Variants in NKAIN2 observed in about 807,000 individuals in gnomAD.
NKAIN2 encodes sodium/potassium transporting ATPase interacting 2.
In NKAIN2, 14 loss-of-function variants were observed where a neutral mutation model predicts 32.6. The ratio of observed to expected loss-of-function variants is 0.43; its 90% CI spans 0.28 to 0.67. The LOEUF is 0.67. NKAIN2 is among the 30% of genes least tolerant of loss of function. NKAIN2 has a pLI of 0.17. For synonymous variants in NKAIN2, 80 were observed against 87.2 expected, an observed-to-expected ratio of 0.92 and a Z score of 0.46; for missense variants, 198 against 258.3, an observed-to-expected ratio of 0.77 and a Z score of 1.60.
chr6:124,456,678 AT>A (rs1016011509), intron 3 of NKAIN2, among the ~76,000 whole-genome samples: 3 of 151,852 alleles, frequency 2.0e-5, no homozygotes, highest in Admixed American at 1.3e-4. Flanking sequence ...TTTATACTTT[AT>A]TAATATGAGA....
chr6:124,734,296 G>A (rs1228339760), intron 4 of NKAIN2, among the ~76,000 whole-genome samples: 1 of 151,598 alleles, frequency 6.6e-6, no homozygotes, highest in African/African-American at 2.4e-5. Flanking sequence ...ATCTCTGCTG[G>A]GCTTTTAATT....
intron 1 of NKAIN2, among the ~76,000 whole-genome samples, chr6:123,933,932 A>G (rs1776385307): frequency 6.6e-6 from 1 of 152,226 alleles, no homozygotes; most frequent in Non-Finnish European, 1.5e-5. Flanking sequence ...CATGACAGCT[A>G]CAGGAGAGTA....
chr6:124,079,376 A>G (rs898809153), intron 1 of NKAIN2, among the ~76,000 whole-genome samples: 3 of 152,166 alleles, frequency 2.0e-5, no homozygotes, highest in African/African-American at 7.2e-5. Context: ...TAGACAAACT[A>G]TAGCAGAATT....
At chr6:124,494,199 G>A (rs898063354) in intron 3 of NKAIN2, among the ~76,000 whole-genome samples, 1 of 152,016 alleles carries the variant, frequency 6.6e-6, no homozygotes, top group Non-Finnish European at 1.5e-5. Context: ...CTTGAGAAAG[G>A]GATGTTGTTT....
chr6:124,066,366 G>A (rs1272920266), intron 1 of NKAIN2, among the ~76,000 whole-genome samples: 1 of 152,028 alleles, frequency 6.6e-6, no homozygotes, highest in Non-Finnish European at 1.5e-5. Context: ...CATTTGTTGT[G>A]TCTCTTCTCC....
intron 3 of NKAIN2, among the ~76,000 whole-genome samples, chr6:124,436,947 T>C (rs945807985): frequency 3.9e-5 from 6 of 152,134 alleles, no homozygotes; most frequent in African/African-American, 1.4e-4. Flanking sequence ...CTCTCTTCGC[T>C]CTGCTTTTAG....
At chr6:123,888,583 A>G (rs554294178) in intron 1 of NKAIN2, among the ~76,000 whole-genome samples, 1 of 152,250 alleles carries the variant, frequency 6.6e-6, no homozygotes, top group African/African-American at 2.4e-5. Context: ...GAATATTGTC[A>G]TTCTACAAAC....
chr6:124,117,091 G>C (rs191896629), intron 1 of NKAIN2, among the ~76,000 whole-genome samples: 7 of 151,974 alleles, frequency 4.6e-5, no homozygotes, highest in Admixed American at 4.6e-4. Flanking sequence ...TTCCCACCAA[G>C]AAAGGCATGA....
rs532227378 is a variant in NKAIN2, at chr6:124,815,260, A to G, written c.536-3127A>G. ...TATATATGTATATATGTATATATAT[A>G]TGTGTATATATATGTATATATGTAT... is the stretch of plus-strand genomic sequence containing the variant. On this transcript the variant is annotated intron_variant, in intron 5 of 6. Transcript: ENST00000368417. Among the ~76,000 whole-genome samples the G allele has an allele frequency of 1.0e-3, 147 of 145,758 alleles. 1 individual carries two copies. The highest frequency in any genetic ancestry group is 3.6e-3 in the Middle Eastern group (1 of 280).
intron 3 of NKAIN2, among the ~76,000 whole-genome samples, chr6:124,516,960 G>C (rs2114786864): frequency 6.6e-6 from 1 of 152,246 alleles, no homozygotes; most frequent in Admixed American, 6.5e-5. Flanking sequence ...TGTGTAATGA[G>C]TCTGTTCTGC....
At chr6:124,075,126 A>T (rs143192494) in intron 1 of NKAIN2, among the ~76,000 whole-genome samples, 1,872 of 152,302 alleles carry the variant, frequency 0.012, 50 homozygotes, top group African/African-American at 0.042. Context: ...TGTTAATAGT[A>T]TAGTGGTATC....
chr6:124,701,532 A>G (rs1774791241), intron 4 of NKAIN2, among the ~76,000 whole-genome samples: 1 of 152,182 alleles, frequency 6.6e-6, no homozygotes, highest in Admixed American at 6.6e-5. Context: ...ACTGAAAACA[A>G]CTAATTAAAG....
At chr6:124,152,000 T>A (rs1437616846) in intron 1 of NKAIN2, among the ~76,000 whole-genome samples, 1 of 151,976 alleles carries the variant, frequency 6.6e-6, no homozygotes, top group Non-Finnish European at 1.5e-5. Context: ...TTTATGATAT[T>A]TTACTTATTC....
intron 1 of NKAIN2, among the ~76,000 whole-genome samples, chr6:123,868,082 A>C (rs1772652821): frequency 6.6e-6 from 1 of 151,974 alleles, no homozygotes; most frequent in South Asian, 2.1e-4. Context: ...GTTAGCCAGG[A>C]TGGTCTTGAT....
chr6:124,791,098 T>G (rs1779724507), intron 4 of NKAIN2, among the ~76,000 whole-genome samples: 1 of 152,178 alleles, frequency 6.6e-6, no homozygotes, highest in Non-Finnish European at 1.5e-5. Context: ...TGCCTGGCAA[T>G]TATCAAATCT....
intron 2 of NKAIN2, among the ~76,000 whole-genome samples, chr6:124,322,239 A>T (rs1360528678): frequency 6.6e-6 from 1 of 152,210 alleles, no homozygotes; most frequent in African/African-American, 2.4e-5. Context: ...TTAAAAAATA[A>T]CTCTAGCCTT....
chr6:124,285,305 T>G (rs1474804546), intron 2 of NKAIN2, among the ~76,000 whole-genome samples: 2 of 152,148 alleles, frequency 1.3e-5, no homozygotes, highest in Non-Finnish European at 2.9e-5. Flanking sequence ...TTTCTTTAGC[T>G]CATTTCTCTC....
At chr6:124,007,898 C>A (rs1277572447) in intron 1 of NKAIN2, among the ~76,000 whole-genome samples, 1 of 152,154 alleles carries the variant, frequency 6.6e-6, no homozygotes, top group African/African-American at 2.4e-5. Flanking sequence ...ATTGCATGAT[C>A]TCATGGTTCC....
intron 1 of NKAIN2, among the ~76,000 whole-genome samples, chr6:124,041,707 A>G (rs1283316348): frequency 2.0e-5 from 3 of 152,052 alleles, no homozygotes; most frequent in Non-Finnish European, 2.9e-5. Flanking sequence ...AGATATGTGG[A>G]TAGAGCAAAT....
Sources: gnomAD v4.1 joint callset for allele counts (sites outside exome capture counted in the v4.1 genomes callset) on GRCh38, gnomAD v4.1.1 for gene constraint, MANE v1.5 for transcripts, NCBI Gene and HGNC (gene_info 2026-07-23, HGNC 2026-07-21) for gene names.